The following KCNU1 variants were observed in gnomAD, a reference collection of about 807,000 sequenced individuals.
The protein encoded by KCNU1 is potassium calcium-activated channel subfamily U member 1, also known as potassium channel subfamily U member 1.
In KCNU1, 93 loss-of-function variants were observed where a neutral mutation model predicts 126.8. That is an observed-to-expected ratio of 0.73 (90% CI 0.62 to 0.87). KCNU1 has a LOEUF of 0.87. Among genes scored for constraint, KCNU1 ranks in the 40% least tolerant of loss-of-function variants. The pLI is 0.00. For synonymous variants in KCNU1, 523 were observed against 494.2 expected (o/e 1.06, Z -0.77); for missense variants, 1,330 against 1,367.1 (o/e 0.97, Z 0.43).
intron 7 of KCNU1, among the ~76,000 whole-genome samples, chr8:36,810,069 T>A (rs895098490): frequency 5.3e-5 from 8 of 152,078 alleles, no homozygotes; most frequent in Admixed American, 3.9e-4. Context: ...CTGGCCAACA[T>A]GGTGAAATCC....
At chr8:36,928,979 A>C (rs1048768884) in intron 24 of KCNU1, 1 of 698,814 alleles carries the variant, frequency 1.4e-6, no homozygotes, top group African/African-American at 1.8e-5. Flanking sequence ...AAGCAATGAT[A>C]AAGAAAACAG....
At chr8:36,847,782 A>C (rs772877997) in intron 18 of KCNU1, among the ~76,000 whole-genome samples, 2 of 152,222 alleles carry the variant, frequency 1.3e-5, no homozygotes, top group Non-Finnish European at 1.5e-5. Flanking sequence ...TAAACATGGA[A>C]GTGCAGATAT....
At chr8:36,901,895 T>C (rs1024586188) in intron 19 of KCNU1, among the ~76,000 whole-genome samples, 6 of 152,170 alleles carry the variant, frequency 3.9e-5, no homozygotes, top group Admixed American at 1.3e-4. Flanking sequence ...TTTTTTGACC[T>C]GAATGGTACC....
At chr8:36,922,925 C>T in intron 24 of KCNU1, 1 of 529,826 alleles carries the variant, frequency 1.9e-6, no homozygotes, top group Admixed American at 2.2e-5. Flanking sequence ...GACCAGGTCC[C>T]TTGGCATCAG....
Position 36,931,022 on chromosome 8 carries a change from A to G in KCNU1, c.2808A>G (p.Glu936=). ...LVTGGVSSQL[E]QHLDKDKVYG... ...CAGGAGGAGTAAGTTCTCAGCTGGA[A>G]CAACATTTAGATAAGGATAAAGTCT... is the stretch of plus-strand genomic sequence containing the variant. The change falls in exon 25 of 27, where the codon GAA becomes GAG. Residue 936 remains glutamate, a synonymous_variant. Coordinates refer to ENST00000399881, the MANE Select transcript of KCNU1 (RefSeq NM_001031836.3). The G allele has an allele frequency of 6.2e-7, 1 of 1,611,674 alleles. No homozygotes were observed. Among genetic ancestry groups the G allele is most frequent in the African/African-American group, 1.3e-5 (1 of 74,948 alleles).
At position 36,922,373 on chromosome 8, in the gene KCNU1, C is replaced by T. The variant is rs1336036102; in HGVS notation, c.2597-117C>T. On this transcript the variant is annotated intron_variant, in intron 23 of 26. Transcript: ENST00000399881. Reference sequence around the variant, plus strand: ...AAAAAGGGGTTGATCCCACAGAGACCCCAAAGTAGACATCAGATCTTTTGA... The same window carrying T: ...AAAAAGGGGTTGATCCCACAGAGACTCCAAAGTAGACATCAGATCTTTTGA... 4.5e-6 allele frequency: 5 copies of T among 1,115,032 alleles called. No homozygotes were observed. In the African/African-American group the frequency reaches 4.7e-5, roughly 11 times the overall value. 69.1% of individuals were successfully genotyped at this position (1,115,032 alleles called of 1,614,324 possible).
At chr8:36,862,740 A>AT (rs1248135961) in intron 18 of KCNU1, among the ~76,000 whole-genome samples, 3 of 152,122 alleles carry the variant, frequency 2.0e-5, no homozygotes, top group Non-Finnish European at 4.4e-5. Context: ...CCCAACCCTC[A>AT]TTTTTTTAAC....
intron 3 of KCNU1, 67 bp from the exon 4 acceptor site, chr8:36,805,128 G>A: frequency 9.1e-7 from 1 of 1,102,320 alleles, no homozygotes; most frequent in Non-Finnish European, 1.3e-6. Flanking sequence ...TTTCCCTTTA[G>A]TTGGTCTTAT....
At chr8:36,824,741 T>C (rs1314871874) in intron 10 of KCNU1, among the ~76,000 whole-genome samples, 1 of 152,224 alleles carries the variant, frequency 6.6e-6, no homozygotes, top group Non-Finnish European at 1.5e-5. Flanking sequence ...TTTAAATGTG[T>C]ATAAATGGAA....
intron 16 of KCNU1, among the ~76,000 whole-genome samples, chr8:36,842,728 T>A (rs528885780): frequency 6.6e-6 from 1 of 152,208 alleles, no homozygotes; most frequent in African/African-American, 2.4e-5. Context: ...TGGAGTGCAA[T>A]GGCACAATTT....
At chr8:36,900,621 G>A (rs1393885263) in intron 19 of KCNU1, among the ~76,000 whole-genome samples, 1 of 152,034 alleles carries the variant, frequency 6.6e-6, no homozygotes, top group Non-Finnish European at 1.5e-5. Context: ...TTGACAATAA[G>A]TGAGTATTTC....
At chr8:36,798,074 A>C (rs1803171216) in intron 2 of KCNU1, among the ~76,000 whole-genome samples, 1 of 152,184 alleles carries the variant, frequency 6.6e-6, no homozygotes, top group African/African-American at 2.4e-5. Context: ...ACAGATTTTT[A>C]GTCCAGTTGT....
rs776901741 is a variant in KCNU1, at chr8:36,833,651, C to T, written c.1204C>T (p.Arg402Ter). The T allele has an allele frequency of 5.5e-5, 88 of 1,598,310 alleles. No homozygotes were observed. The highest frequency in any genetic ancestry group is 7.1e-5 in the Non-Finnish European group (83 of 1,166,362). The change falls in exon 11 of 27, where the codon CGA becomes TGA. Residue 402 changes from arginine (R) to a stop codon, truncating the protein, a stop_gained. Coordinates refer to ENST00000399881, the MANE Select transcript of KCNU1 (RefSeq NM_001031836.3). LOFTEE classifies it high-confidence loss of function. ...TGCAATGAAGTGGGAGGATCTGAGG[C>T]GAGTTGCGGTAAGATCTAGCTGTTT... is the stretch of plus-strand genomic sequence containing the variant. ...GSAMKWEDLR[R>*]VAVESAEACL... is the part of the protein sequence containing the mutation.
intron 2 of KCNU1, among the ~76,000 whole-genome samples, chr8:36,801,821 C>T (rs1028991509): frequency 6.6e-6 from 1 of 151,926 alleles, no homozygotes; most frequent in Non-Finnish European, 1.5e-5. Context: ...TAAAATGGAA[C>T]TTACAGGGCC....
chr8:36,826,555 C>A (rs1395113023), intron 10 of KCNU1, among the ~76,000 whole-genome samples: 1 of 152,050 alleles, frequency 6.6e-6, no homozygotes, highest in Non-Finnish European at 1.5e-5. Flanking sequence ...TCTCTCTTCC[C>A]TTTTTATATC....
At chr8:36,824,801 C>T (rs577769207) in intron 10 of KCNU1, among the ~76,000 whole-genome samples, 47 of 152,072 alleles carry the variant, frequency 3.1e-4, no homozygotes, top group Non-Finnish European at 6.2e-4. Flanking sequence ...ATCCATATTG[C>T]AACTGGAAAT....
At chr8:36,887,641 AGCTGTAGTTATG>A (rs1271561293) in intron 19 of KCNU1, among the ~76,000 whole-genome samples, 1 of 152,106 alleles carries the variant, frequency 6.6e-6, no homozygotes, top group Non-Finnish European at 1.5e-5. Context: ...GTCCAATAAA[AGCTGTAGTTATG>A]GCTGGTAGAA....
rs549568716 is a variant in KCNU1 at position 36,859,996 on chromosome 8, A to ATT, written c.1892-4401_1892-4400dup. ...GCACAAACTCAAAAGGAATCTTTTT[A>ATT]TTTTTTTTGATCAATGAAATACAGA... On this transcript the variant is annotated intron_variant, in intron 18 of 26. Transcript: ENST00000399881. 2.5e-4 allele frequency among the ~76,000 whole-genome samples: 38 copies of ATT among 152,086 alleles called. 1 individual carries two copies. The highest frequency in any genetic ancestry group is 8.9e-4 in the African/African-American group (37 of 41,520).
rs1803218540 is a variant in KCNU1 at position 36,799,338 on chromosome 8, G to T, written c.316-4689G>T. Among the ~76,000 whole-genome samples, 3 of 151,590 alleles carry T rather than the reference G, an allele frequency of 2.0e-5. No individual in the cohort carries two copies. The South Asian group carries it at 6.3e-4, about 32-fold the overall frequency. ...TTCGCCATGATATGGCTGTGTGTGT[G>T]TCTTCTTTCAATGTTTCCTCCCTGA... is the stretch of plus-strand genomic sequence containing the variant. On this transcript the variant is annotated intron_variant, in intron 2 of 26. Coordinates refer to ENST00000399881, the MANE Select transcript of KCNU1 (RefSeq NM_001031836.3).
Sources: allele counts gnomAD v4.1 joint callset (sites outside exome capture counted in the v4.1 genomes callset), GRCh38; gene constraint gnomAD v4.1.1; transcripts MANE v1.5; gene names NCBI Gene and HGNC (gene_info 2026-07-23, HGNC 2026-07-21).